The following CUL9 variants were observed in gnomAD, a reference collection of about 807,000 sequenced individuals.
CUL9 encodes the protein cullin 9.
In CUL9, 79 loss-of-function variants were observed where a neutral mutation model predicts 272.6. The observed-to-expected ratio is 0.29, with a 90% CI of 0.24 to 0.35. The LOEUF is 0.35. Among genes scored for constraint, CUL9 ranks in the 10% least tolerant of loss-of-function variants. CUL9 has a pLI of 1.00. For missense variants in CUL9, 2,532 were observed against 3,255.6 expected (o/e 0.78, Z 5.41); for synonymous variants, 1,186 against 1,286.5 (o/e 0.92, Z 1.67).
rs1774321205 is a variant in CUL9, at chr6:43,199,351, G to T, written c.3136G>T (p.Gly1046Cys). The change falls in exon 13 of 41, where the codon GGC (glycine) becomes TGC (cysteine). Residue 1046 changes from glycine (G) to cysteine (C), a missense_variant. Gly to Cys is a radical substitution (Grantham distance 159). Transcript: ENST00000252050. The surrounding 1 kb of genome is among the most constrained non-coding windows in gnomAD (Gnocchi z 4.4). ...VLEPCLNCLS[G>C]PSSDSEIVQE... Reference sequence around the variant, plus strand: ...GGAGCCCTGCCTCAACTGCCTGAGTGGCCCTAGCAGTGACTCCGAGGTACC... The same window carrying T: ...GGAGCCCTGCCTCAACTGCCTGAGTTGCCCTAGCAGTGACTCCGAGGTACC... The T allele has an allele frequency of 6.2e-7, 1 of 1,613,020 alleles. No individual in the cohort carries two copies. Among genetic ancestry groups the T allele is most frequent in the South Asian group, 1.1e-5 (1 of 91,074 alleles).
Position 43,196,768 on chromosome 6 carries a change from A to G in CUL9, c.2709A>G (p.Ile903Met), listed in dbSNP as rs1452373150. Residue 903 changes from isoleucine to methionine, a missense_variant, in exon 11 of 41, where the codon ATA (isoleucine) becomes ATG (methionine). Physicochemically the swap from Ile to Met is conservative, Grantham distance 10 (BLOSUM62 1). This residue lies in a region of CUL9 where 2,218 missense variants were observed against 2,788.6 expected (regional missense o/e 0.80). Transcript: ENST00000252050. ...LRDTLFRHSG[I>M]APRTEPMPTT... ...ACACGTTGTTTAGGCACTCAGGGAT[A>G]GCACCAAGAACAGAACCTATGCCTA... 1.2e-6 allele frequency: 2 copies of G among 1,614,204 alleles called. No homozygotes were observed. The highest frequency in any genetic ancestry group is 1.7e-6 in the Non-Finnish European group (2 of 1,180,038).
rs1775079612 is a variant in CUL9 at position 43,206,787 on chromosome 6, A to G, written c.5212+277A>G. Among the ~76,000 whole-genome samples, 1 of 152,080 alleles carries G rather than the reference A, an allele frequency of 6.6e-6. No homozygotes were observed. Among genetic ancestry groups the G allele is most frequent in the South Asian group, 2.1e-4 (1 of 4,830 alleles). ...TTTTTTCCAAATAAAAGTGTTTAAG[A>G]CTATTCATTTCCCTCTCAATACTGC... On this transcript the variant is annotated intron_variant, in intron 26 of 40. Transcript: ENST00000252050. This position sits in a 1 kb window ranked among gnomAD's most constrained non-coding sequence, Gnocchi z 4.8.
Position 43,184,292 on chromosome 6 carries a change from T to G in CUL9, c.-9-10T>G, listed in dbSNP as rs1031323183. 1.4e-6 allele frequency: 2 copies of G among 1,446,784 alleles called. No individual in the cohort carries two copies. Among genetic ancestry groups the G allele is most frequent in the African/African-American group, 2.8e-5 (2 of 70,256 alleles). 89.6% of individuals were successfully genotyped at this position (1,446,784 alleles called of 1,614,324 possible). ...TCATACTGCCTTATCTTTCTCCTTG[T>G]GTATCCCAGGAGGTCAGGATGGTGG... On this transcript the variant is annotated splice_polypyrimidine_tract_variant and intron_variant, in intron 1 of 40. Transcript: ENST00000252050. This position sits in a 1 kb window ranked among gnomAD's most constrained non-coding sequence, Gnocchi z 4.8.
At position 43,213,915 on chromosome 6, in the gene CUL9, A is replaced by G; in HGVS notation, c.5688+3A>G. On this transcript the variant is annotated splice_donor_region_variant and intron_variant, in intron 29 of 40. Transcript: ENST00000252050. The surrounding 1 kb of genome is among the most constrained non-coding windows in gnomAD (Gnocchi z 5.7). The stretch of plus-strand genomic sequence containing the variant: ...ACATTGATCAGCTGGTTTGTCTGGT[A>G]GGCAGAGAGGGGACCATGAAGTTGG... The G allele has an allele frequency of 1.2e-6, 2 of 1,613,958 alleles. No individual in the cohort carries two copies. The highest frequency in any genetic ancestry group is 1.7e-6 in the Non-Finnish European group (2 of 1,180,010).
At chr6:43,216,576 G>A (rs1165648519) in intron 31 of CUL9, 73 bp downstream of exon 31, 1 of 1,397,294 alleles carries the variant, frequency 7.2e-7, no homozygotes, top group African/African-American at 1.4e-5. Flanking sequence ...GGGAATTCTT[G>A]GGTTCTAGCC....
At position 43,224,007 on chromosome 6, in the gene CUL9, C is replaced by A; in HGVS notation, c.7285-88C>A. On this transcript the variant is annotated intron_variant, in intron 39 of 40. Coordinates refer to ENST00000252050, the MANE Select transcript of CUL9 (RefSeq NM_015089.4). The surrounding 1 kb of genome is among the most constrained non-coding windows in gnomAD (Gnocchi z 4.2). Reference sequence around the variant, plus strand: ...GGGAGCAGTCCTAGCAGGAGCTTGGCCCTCCCAGAGCATCAGTGGAAGGAA... The same window carrying A: ...GGGAGCAGTCCTAGCAGGAGCTTGGACCTCCCAGAGCATCAGTGGAAGGAA... The A allele has an allele frequency of 2.3e-6, 3 of 1,302,496 alleles. No individual in the cohort carries two copies. Among genetic ancestry groups the A allele is most frequent in the Admixed American group, 3.4e-5 (2 of 59,574 alleles). The allele number at this position is 1,302,496 out of a possible 1,614,324, so 80.7% of individuals were successfully genotyped here.
At chr6:43,210,092 C>T (rs1434404100) in intron 26 of CUL9, among the ~76,000 whole-genome samples, 2 of 152,194 alleles carry the variant, frequency 1.3e-5, no homozygotes, top group Non-Finnish European at 1.5e-5. Context: ...AATTCTCCTG[C>T]CTCAGCCTCC....
intron 29 of CUL9, 96 bp from the exon 30 acceptor site, chr6:43,214,983 A>C: frequency 7.0e-7 from 1 of 1,433,860 alleles, no homozygotes; most frequent in Non-Finnish European, 9.4e-7. Flanking sequence ...TCTTAAAAAA[A>C]AAGGGGGGGA....
In CUL9 at chr6:43,184,553, T is replaced by C. The variant is rs2150512757; in HGVS notation, c.243T>C (p.Gly81=). The C allele has an allele frequency of 6.2e-7, 1 of 1,612,978 alleles. No homozygotes were observed. The highest frequency in any genetic ancestry group is 1.7e-4 in the Middle Eastern group (1 of 6,056). Residue 81 remains glycine, a synonymous_variant, in exon 2 of 41, where the codon GGT becomes GGC. Transcript: ENST00000252050. The surrounding 1 kb of genome is among the most constrained non-coding windows in gnomAD (Gnocchi z 4.8). ...ACGCCAACTGCCCTGGGCTGTTAGG[T>C]GAGCGGGCACTATCTAAGGGACTTC... ...EVYANCPGLL[G]ERALSKGLQH... is the part of the protein sequence containing the mutation.
intron 2 of CUL9, among the ~76,000 whole-genome samples, chr6:43,185,230 A>G (rs1417477257): frequency 6.6e-6 from 1 of 152,232 alleles, no homozygotes; most frequent in African/African-American, 2.4e-5. Flanking sequence ...TAAAAACTTA[A>G]GTCATTAGTG....
chr6:43,221,498 GT>G lies in CUL9; in HGVS notation c.6752+178del. On this transcript the variant is annotated intron_variant, in intron 34 of 40. Transcript: ENST00000252050. The surrounding 1 kb of genome is among the most constrained non-coding windows in gnomAD (Gnocchi z 4.2). The stretch of plus-strand genomic sequence containing the variant: ...GATCTTAATGTTCCTTCTCCCACTC[GT>G]AAGTCCACACTGACTGGGGGAGTTC... 1 of 893,512 alleles carries G rather than the reference GT, an allele frequency of 1.1e-6. No homozygotes were observed. Among genetic ancestry groups the G allele is most frequent in the Non-Finnish European group, 1.7e-6 (1 of 596,816 alleles). The allele number at this position is 893,512 out of a possible 1,614,324, so 55.3% of individuals were successfully genotyped here. A position where few individuals can be genotyped will look rare whatever the true frequency, so the allele number is the denominator to read the frequency against.
intron 20 of CUL9, 78 bp downstream of exon 20, chr6:43,204,065 G>A: frequency 1.3e-6 from 2 of 1,501,224 alleles, no homozygotes; most frequent in Non-Finnish European, 1.8e-6. Flanking sequence ...AATGCTCTTG[G>A]TTCTTTTGGT....
In CUL9 at chr6:43,199,179, G is replaced by A. The variant is rs976331900; in HGVS notation, c.3051-87G>A. On this transcript the variant is annotated intron_variant, in intron 12 of 40. Coordinates refer to ENST00000252050, the MANE Select transcript of CUL9 (RefSeq NM_015089.4). This position sits in a 1 kb window ranked among gnomAD's most constrained non-coding sequence, Gnocchi z 4.4. ...TCGAACTCCCGACCTCAGGTGATCC[G>A]CCCACTTCGGCCTCCCAAAGTGCTG... is the stretch of plus-strand genomic sequence containing the variant. The A allele has an allele frequency of 2.4e-5, 26 of 1,103,606 alleles. No homozygotes were observed. The highest frequency in any genetic ancestry group is 1.2e-4 in the East Asian group (5 of 41,238). The allele number at this position is 1,103,606 out of a possible 1,614,324, so 68.4% of individuals were successfully genotyped here. A position where few individuals can be genotyped will look rare whatever the true frequency, so the allele number is the denominator to read the frequency against.
intron 26 of CUL9, among the ~76,000 whole-genome samples, chr6:43,208,025 G>T (rs1775180018): frequency 6.6e-6 from 1 of 152,018 alleles, no homozygotes; most frequent in Admixed American, 6.6e-5. Context: ...ATATTTTTTG[G>T]CTATTTTGTT....
At position 43,224,482 on chromosome 6, in the gene CUL9, A is replaced by C; in HGVS notation, c.*37A>C. 6.3e-7 allele frequency: 1 copy of C among 1,585,544 alleles called. No homozygotes were observed. Reference sequence around the variant, plus strand: ...CAGGAAACACCTAGAGCAGCCCCAGAGTCACGGGGCTGAGGGGGCGGGAGC... The same window carrying C: ...CAGGAAACACCTAGAGCAGCCCCAGCGTCACGGGGCTGAGGGGGCGGGAGC... On this transcript the variant is annotated 3_prime_UTR_variant, in exon 41 of 41. Transcript: ENST00000252050. This position sits in a 1 kb window ranked among gnomAD's most constrained non-coding sequence, Gnocchi z 4.2.
rs1434996522 is a variant in CUL9 at position 43,220,669 on chromosome 6, C to T, written c.6423+70C>T. The T allele has an allele frequency of 1.2e-6, 2 of 1,604,962 alleles. No homozygotes were observed. Among genetic ancestry groups the T allele is most frequent in the African/African-American group, 2.7e-5 (2 of 74,884 alleles). ...AGTGTGCCCCAGGGAGTGGGCTGAG[C>T]TATGGGGTGCTGGGGGCCTGGAGGT... On this transcript the variant is annotated intron_variant, in intron 32 of 40. Transcript: ENST00000252050. This position sits in a 1 kb window ranked among gnomAD's most constrained non-coding sequence, Gnocchi z 4.9.
At position 43,200,085 on chromosome 6, in the gene CUL9, G is replaced by A. The variant is rs781321483; in HGVS notation, c.3313G>A (p.Val1105Met). Reference sequence around the variant, plus strand: ...GCTGGGCTGTGAGCTTCGGGACCTGGTGACAGAGTGTGAGAAGTACGCACA... The same window carrying A: ...GCTGGGCTGTGAGCTTCGGGACCTGATGACAGAGTGTGAGAAGTACGCACA... ...LLLGCELRDL[V>M]TECEKYAQLY... Residue 1105 changes from valine to methionine, a missense_variant, in exon 14 of 41, where the codon GTG becomes ATG. This residue lies in a region of CUL9 where 2,218 missense variants were observed against 2,788.6 expected (regional missense o/e 0.80). Coordinates refer to ENST00000252050, the MANE Select transcript of CUL9 (RefSeq NM_015089.4). The surrounding 1 kb of genome is among the most constrained non-coding windows in gnomAD (Gnocchi z 4.0). 1 of 1,614,100 alleles carries A rather than the reference G, an allele frequency of 6.2e-7. No individual in the cohort carries two copies. The highest frequency in any genetic ancestry group is 1.3e-5 in the African/African-American group (1 of 74,928).
chr6:43,223,347 C>A lies in CUL9; in HGVS notation c.7234C>A (p.Leu2412Ile). Residue 2412 changes from leucine (L) to isoleucine (I), a missense_variant, in exon 39 of 41, where the codon CTC (leucine) becomes ATC (isoleucine). By Grantham distance (5) the Leu-to-Ile change is conservative. This residue lies in a region of CUL9 where 237 missense variants were observed against 305.9 expected (regional missense o/e 0.77). Coordinates refer to ENST00000252050, the MANE Select transcript of CUL9 (RefSeq NM_015089.4). This position sits in a 1 kb window ranked among gnomAD's most constrained non-coding sequence, Gnocchi z 4.1. ...ADCLSTGMELLRRIQERLLAI... is the reference protein window; with the variant it reads ...ADCLSTGMELIRRIQERLLAI... ...CTGCCTCAGCACGGGCATGGAGCTG[C>A]TCCGGCGGATCCAGGAGAGGCTGCT... is the stretch of plus-strand genomic sequence containing the variant. The A allele has an allele frequency of 6.2e-7, 1 of 1,601,900 alleles. No individual in the cohort carries two copies. The highest frequency in any genetic ancestry group is 8.5e-7 in the Non-Finnish European group (1 of 1,174,142).
intron 26 of CUL9, among the ~76,000 whole-genome samples, chr6:43,211,298 C>A (rs1018415562): frequency 1.3e-5 from 2 of 152,242 alleles, no homozygotes; most frequent in African/African-American, 4.8e-5. Flanking sequence ...TGGCTCATGC[C>A]TGTAATCCCA....
Sources: gnomAD v4.1 joint callset for allele counts (sites outside exome capture counted in the v4.1 genomes callset) on GRCh38, gnomAD v4.1.1 for gene constraint, gnomAD v4.1.1 regional missense constraint, Gnocchi (gnomAD v3.1) non-coding constraint, MANE v1.5 for transcripts, NCBI Gene and HGNC (gene_info 2026-07-23, HGNC 2026-07-21) for gene names.